The following SSC5D variants were observed in gnomAD, a reference collection of about 807,000 sequenced individuals.
SSC5D encodes scavenger receptor cysteine rich family member with 5 domains, also known as soluble scavenger receptor cysteine-rich domain-containing protein SSC5D.
A neutral mutation model predicts 104.6 loss-of-function variants in SSC5D; 106 were observed. The observed-to-expected ratio is 1.01, with a 90% CI of 0.87 to 1.19. The LOEUF (loss-of-function observed/expected upper bound fraction) is 1.19, where lower values mean the gene tolerates loss of function less well. Ranked by LOEUF, SSC5D falls within the 50% of genes most tolerant of loss-of-function variation. The pLI is 0.00. For missense variants in SSC5D, 1,993 were observed against 2,153.8 expected (o/e 0.93, Z 1.48); for synonymous variants, 860 against 883.5 (o/e 0.97, Z 0.47).
intron 9 of SSC5D, 125 bp from the exon 10 acceptor site, chr19:55,499,691 A>G: frequency 1.3e-6 from 1 of 799,432 alleles, no homozygotes; most frequent in Non-Finnish European, 2.0e-6. Context: ...TATTTGTGAC[A>G]ATAAATGAAT....
intron 13 of SSC5D, among the ~76,000 whole-genome samples, chr19:55,513,722 G>A (rs1370975667): frequency 6.6e-6 from 1 of 152,174 alleles, no homozygotes. Flanking sequence ...GCACCTGATC[G>A]GTAGAGGCCG....
At chr19:55,493,985 G>GAC in intron 7 of SSC5D, 73 bp downstream of exon 7, 1 of 295,864 alleles carries the variant, frequency 3.4e-6, no homozygotes, top group South Asian at 2.3e-5. Context: ...GTTCGGCGGG[G>GAC]GCGGGGGGGT....
At chr19:55,501,553 G>A (rs1351053161) in intron 12 of SSC5D, among the ~76,000 whole-genome samples, 1 of 152,222 alleles carries the variant, frequency 6.6e-6, no homozygotes, top group Non-Finnish European at 1.5e-5. Context: ...CCCAGAGCAA[G>A]CGAAACCTCA....
intron 12 of SSC5D, among the ~76,000 whole-genome samples, chr19:55,511,245 A>C (rs7359882): frequency 6.6e-6 from 1 of 151,948 alleles, no homozygotes; most frequent in Non-Finnish European, 1.5e-5. Context: ...ATCAGGGTGA[A>C]ATTTGACCCT....
At position 55,489,619 on chromosome 19, in the gene SSC5D, C is replaced by T. The variant is rs540702232; in HGVS notation, c.318C>T (p.Ala106=). 24 of 1,532,862 alleles carry T rather than the reference C, an allele frequency of 1.6e-5. No individual in the cohort carries two copies. The East Asian group carries it at 5.9e-4, about 38-fold the overall frequency. The allele number at this position is 1,532,862 out of a possible 1,614,324, so 95.0% of individuals were successfully genotyped here. ...TCTGCCACCACCGGGGCTGGAAGGC[C>T]CACATCTGCTCCCACGAGGAGGACG... ...LGLCHHRGWK[A]HICSHEEDAG... is the part of the protein sequence containing the mutation. The change falls in exon 3 of 14, where the codon GCC becomes GCT. Residue 106 remains alanine (A), a synonymous_variant. Coordinates refer to ENST00000389623, the MANE Select transcript of SSC5D (RefSeq NM_001144950.2).
In SSC5D at chr19:55,498,324, T is replaced by C. The variant is rs1223787861; in HGVS notation, c.1705+127T>C. 8 of 937,156 alleles carry C rather than the reference T, an allele frequency of 8.5e-6. No homozygotes were observed. The East Asian group carries it at 1.3e-4, about 15-fold the overall frequency. The allele number at this position is 937,156 out of a possible 1,614,324, so 58.1% of individuals were successfully genotyped here. On this transcript the variant is annotated intron_variant, in intron 9 of 13. Transcript: ENST00000389623. The stretch of plus-strand genomic sequence containing the variant: ...GCCCTGTGCTGGGTGTTTTTGCACA[T>C]ATAACCACATTGAAATCACATAATA...
chr19:55,504,288 A>G lies in SSC5D; in HGVS notation c.2785+3087A>G. The G allele has an allele frequency of 3.4e-6, 5 of 1,462,120 alleles. No individual in the cohort carries two copies. In the South Asian group the frequency reaches 6.7e-5, roughly 20 times the overall value. The allele number at this position is 1,462,120 out of a possible 1,614,324, so 90.6% of individuals were successfully genotyped here. ...GACCCCTCCCGTAGGGTAGGGAGGC[A>G]GCCAATGAGCAGAAATAAATGCAGA... On this transcript the variant is annotated intron_variant, in intron 12 of 13. Coordinates refer to ENST00000389623, the MANE Select transcript of SSC5D (RefSeq NM_001144950.2).
chr19:55,494,059 T>C, intron 7 of SSC5D, 147 bp downstream of exon 7: 2 of 822,610 alleles, frequency 2.4e-6, no homozygotes, highest in Non-Finnish European at 1.9e-6. Context: ...CCCCTCTGAA[T>C]CCTCACCCTG....
In SSC5D at chr19:55,489,643, C is replaced by T. The variant is rs750406511; in HGVS notation, c.342C>T (p.Asp114=). The T allele has an allele frequency of 9.7e-5, 148 of 1,533,154 alleles. No individual in the cohort carries two copies. Among genetic ancestry groups the T allele is most frequent in the African/African-American group, 3.1e-4 (23 of 73,090 alleles). The allele number at this position is 1,533,154 out of a possible 1,614,324, so 95.0% of individuals were successfully genotyped here. Residue 114 remains aspartate, a synonymous_variant, in exon 3 of 14, where the codon GAC becomes GAT. Transcript: ENST00000389623. ...CCCACATCTGCTCCCACGAGGAGGA[C>T]GCGGGCGTCGTCTGCGCAGGTGAGG... is the stretch of plus-strand genomic sequence containing the variant. ...WKAHICSHEE[D]AGVVCAGQRV...
intron 4 of SSC5D, 125 bp downstream of exon 4, chr19:55,490,120 G>A: frequency 1.5e-6 from 1 of 648,064 alleles, no homozygotes; most frequent in Non-Finnish European, 2.7e-6. Context: ...AGGGGAGAGG[G>A]ACCTCTGCAG....
chr19:55,509,875 GA>G (rs1987717786), intron 12 of SSC5D, among the ~76,000 whole-genome samples: 2 of 10,944 alleles, frequency 1.8e-4, no homozygotes, highest in Admixed American at 1.3e-3. Flanking sequence ...AAAAAAAAGA[GA>G]AAAAGAAAAA....
intron 12 of SSC5D, among the ~76,000 whole-genome samples, chr19:55,502,739 T>C (rs1246881724): frequency 1.3e-5 from 2 of 152,200 alleles, no homozygotes; most frequent in Admixed American, 1.3e-4. Context: ...CACTGCAGCC[T>C]TGAACTCCCA....
In SSC5D at chr19:55,490,304, G is replaced by A. The variant is rs529975420; in HGVS notation, c.482G>A (p.Arg161His). ...TEEPLVTHAP[R>H]PAGNPQNASR... ...TGGCTGTCTCCACTCCCAGCCCCCC[G>A]CCCAGCTGGGAACCCCCAGAACGCC... Residue 161 changes from arginine (R) to histidine (H), a missense_variant, in exon 5 of 14, where the codon CGC becomes CAC. By Grantham distance (29) the Arg-to-His change is conservative. This residue lies in a region of SSC5D where 1,101 missense variants were observed against 1,085.0 expected (regional missense o/e 1.01). Transcript: ENST00000389623. 25 of 1,148,552 alleles carry A rather than the reference G, an allele frequency of 2.2e-5. No individual in the cohort carries two copies. The highest frequency in any genetic ancestry group is 7.9e-5 in the East Asian group (3 of 37,820). The allele number at this position is 1,148,552 out of a possible 1,614,324, so 71.1% of individuals were successfully genotyped here.
chr19:55,493,305 C>G (rs192778853), intron 6 of SSC5D, among the ~76,000 whole-genome samples: 1 of 152,124 alleles, frequency 6.6e-6, no homozygotes, highest in African/African-American at 2.4e-5. Context: ...GGAAATCCGG[C>G]TCTCTAGGAT....
intron 8 of SSC5D, among the ~76,000 whole-genome samples, chr19:55,496,221 G>T (rs1302901234): frequency 6.6e-6 from 1 of 152,116 alleles, no homozygotes; most frequent in African/African-American, 2.4e-5. Context: ...AATGGCCCAG[G>T]GTGTGAGAGC....
At position 55,499,843 on chromosome 19, in the gene SSC5D, A is replaced by T. The variant is rs780403158; in HGVS notation, c.1733A>T (p.Asp578Val). 16 of 1,551,088 alleles carry T rather than the reference A, an allele frequency of 1.0e-5. No homozygotes were observed. In the African/African-American group the frequency reaches 1.9e-4, roughly 19 times the overall value. ...TGPPGLDSIS[D>V]PFSWSWIPGL... ...CCCCCAGGCCTGGACTCCATCTCAG[A>T]CCCCTTCAGCTGGAGCTGGATTCCT... The change falls in exon 10 of 14, where the codon GAC becomes GTC. Residue 578 changes from aspartate to valine, a missense_variant. This residue lies in a region of SSC5D where 1,101 missense variants were observed against 1,085.0 expected (regional missense o/e 1.01). Transcript: ENST00000389623.
rs754491504 is a variant in SSC5D at position 55,518,185 on chromosome 19, G to GACTGTTGACCCCACCACT, written c.3912_3913insGTTGACCCCACCACTACT (p.Thr1304_Pro1305insValAspProThrThrThr). ...CCACCACAACCCCTCACCCCACCAT[G>GACTGTTGACCCCACCACT]ACTCCTGACCCCACCACGACCCCTT... On this transcript the variant is annotated inframe_insertion, in exon 14 of 14. Coordinates refer to ENST00000389623, the MANE Select transcript of SSC5D (RefSeq NM_001144950.2). The GACTGTTGACCCCACCACT allele has an allele frequency of 8.8e-7, 1 of 1,136,270 alleles. No individual in the cohort carries two copies. The highest frequency in any genetic ancestry group is 3.3e-5 in the Admixed American group (1 of 30,416). 70.4% of individuals were successfully genotyped at this position (1,136,270 alleles called of 1,614,324 possible). A position where few individuals can be genotyped will look rare whatever the true frequency, so the allele number is the denominator to read the frequency against.
chr19:55,500,377 C>G lies in SSC5D; in HGVS notation c.2267C>G (p.Ala756Gly), dbSNP rs947485037. 4 of 1,551,078 alleles carry G rather than the reference C, an allele frequency of 2.6e-6. No individual in the cohort carries two copies. In the African/African-American group the frequency reaches 4.1e-5, roughly 16 times the overall value. The change falls in exon 10 of 14, where the codon GCC becomes GGC. Residue 756 changes from alanine (A) to glycine (G), a missense_variant. Coordinates refer to ENST00000389623, the MANE Select transcript of SSC5D (RefSeq NM_001144950.2). This position sits in a 1 kb window ranked among gnomAD's most constrained non-coding sequence, Gnocchi z 4.6. ...EGSPESPKDP[A>G]PSPSVSTTGE... ...TCTCCAGAGTCACCCAAAGACCCGG[C>G]CCCCTCTCCCAGTGTTAGCACCACT...
chr19:55,504,285 G>A, intron 12 of SSC5D: 2 of 1,468,404 alleles, frequency 1.4e-6, no homozygotes, highest in South Asian at 1.3e-5. Flanking sequence ...AGGGTAGGGA[G>A]GCAGCCAATG....
Sources: gnomAD v4.1 joint callset for allele counts (sites outside exome capture counted in the v4.1 genomes callset) on GRCh38, gnomAD v4.1.1 for gene constraint, gnomAD v4.1.1 regional missense constraint, Gnocchi (gnomAD v3.1) non-coding constraint, MANE v1.5 for transcripts, NCBI Gene and HGNC (gene_info 2026-07-23, HGNC 2026-07-21) for gene names.